The following PUM1 variants were observed in gnomAD, a reference collection of about 807,000 sequenced individuals.
PUM1 encodes the protein pumilio homolog 1.
In PUM1, 13 loss-of-function variants were observed where a neutral mutation model predicts 131.8. The ratio of observed to expected loss-of-function variants is 0.10; its 90% CI spans 0.06 to 0.16. The LOEUF is 0.16. Ranked by LOEUF, PUM1 falls within the 10% of genes least tolerant of loss-of-function variation. The pLI is 1.00. For synonymous variants in PUM1, 509 were observed against 556.5 expected (o/e 0.91, Z 1.20); for missense variants, 961 against 1,512.4 (o/e 0.64, Z 6.05).
intron 5 of PUM1, among the ~76,000 whole-genome samples, chr1:31,003,977 G>A (rs780374427): frequency 3.9e-5 from 6 of 152,100 alleles, no homozygotes; most frequent in Non-Finnish European, 8.8e-5. Flanking sequence ...TTATCTTCAT[G>A]CATACTTCAG....
At chr1:30,986,275 T>C (rs1233679936) in intron 7 of PUM1, among the ~76,000 whole-genome samples, 1 of 152,084 alleles carries the variant, frequency 6.6e-6, no homozygotes, top group African/African-American at 2.4e-5. Flanking sequence ...AAAAATAAAA[T>C]AGCTGCCCTA....
chr1:30,966,970 C>T lies in PUM1; in HGVS notation c.1789+197G>A, dbSNP rs1428918546. On this transcript the variant is annotated intron_variant, in intron 12 of 21. Coordinates refer to ENST00000426105, the MANE Select transcript of PUM1 (RefSeq NM_001020658.2). ...AACCAGCTGGCACATGCCACCCCTC[C>T]CCCAACCCACCAACCCCCCAACAAA... is the stretch of plus-strand genomic sequence containing the variant. The T allele has an allele frequency of 3.2e-5, 19 of 599,992 alleles. No homozygotes were observed. The East Asian group carries it at 6.0e-4, about 19-fold the overall frequency. The allele number at this position is 599,992 out of a possible 1,614,324, so 37.2% of individuals were successfully genotyped here.
At chr1:30,971,541 C>T (rs191412707) in intron 10 of PUM1, among the ~76,000 whole-genome samples, 1 of 152,146 alleles carries the variant, frequency 6.6e-6, no homozygotes, top group Non-Finnish European at 1.5e-5. Context: ...TAGTTAACGG[C>T]AGAAGAAACA....
chr1:30,939,849 C>G (rs1639370064), intron 20 of PUM1, among the ~76,000 whole-genome samples: 1 of 152,000 alleles, frequency 6.6e-6, no homozygotes, highest in South Asian at 2.1e-4. Flanking sequence ...CAGACTCTGT[C>G]CCTTAAAAAA....
rs1300377437 is a variant in PUM1, at chr1:30,942,133, G to C, written c.2995-10C>G. On this transcript the variant is annotated splice_polypyrimidine_tract_variant and intron_variant, in intron 18 of 21. Transcript: ENST00000426105. The stretch of plus-strand genomic sequence containing the variant: ...TGGATAAGGCAAATACCTAAGGGTA[G>C]ACAAACACAAATGAGAAGCAAAAAT... 1 of 1,494,944 alleles carries C rather than the reference G, an allele frequency of 6.7e-7. No homozygotes were observed. Among genetic ancestry groups the C allele is most frequent in the Non-Finnish European group, 9.0e-7 (1 of 1,110,116 alleles). The allele number at this position is 1,494,944 out of a possible 1,614,324, so 92.6% of individuals were successfully genotyped here. A position where few individuals can be genotyped will look rare whatever the true frequency, so the allele number is the denominator to read the frequency against.
Position 31,009,777 on chromosome 1 carries a change from A to AC in PUM1, c.433-2676_433-2675insG, listed in dbSNP as rs1214324070. The stretch of plus-strand genomic sequence containing the variant: ...AGCAAGACTCTGTCTCAAAAAAAAA[A>AC]AAAAAAAAAACAAAAACAGAAACAA... On this transcript the variant is annotated intron_variant, in intron 3 of 21. Transcript: ENST00000426105. Among the ~76,000 whole-genome samples, 318 of 134,392 alleles carry AC rather than the reference A, an allele frequency of 2.4e-3. 6 individuals are homozygous for AC. In the East Asian group the frequency reaches 0.034, roughly 14 times the overall value. 88.2% of individuals were successfully genotyped at this position (134,392 alleles called of 152,430 possible).
At chr1:30,984,457 CTG>C (rs2124474045) in intron 7 of PUM1, among the ~76,000 whole-genome samples, 1 of 152,268 alleles carries the variant, frequency 6.6e-6, no homozygotes, top group Non-Finnish European at 1.5e-5. Flanking sequence ...TATCCCATAA[CTG>C]AGAAACAAAA....
chr1:30,966,710 A>G (rs1015613393), intron 12 of PUM1, among the ~76,000 whole-genome samples: 4 of 152,234 alleles, frequency 2.6e-5, no homozygotes, highest in Admixed American at 6.5e-5. Flanking sequence ...TTAAAAAATA[A>G]ATAAATATAA....
intron 2 of PUM1, among the ~76,000 whole-genome samples, chr1:31,052,610 T>G (rs1018438062): frequency 5.3e-5 from 8 of 151,442 alleles, no homozygotes; most frequent in Admixed American, 5.3e-4. Context: ...CAAGCAACCC[T>G]CCTGACCCAG....
At chr1:31,027,817 G>A (rs1357543450) in intron 3 of PUM1, among the ~76,000 whole-genome samples, 1 of 152,110 alleles carries the variant, frequency 6.6e-6, no homozygotes, top group East Asian at 1.9e-4. Flanking sequence ...TCAAACATTT[G>A]CTGAATCAAA....
chr1:30,988,063 T>C (rs371600090), intron 7 of PUM1, among the ~76,000 whole-genome samples: 32 of 152,368 alleles, frequency 2.1e-4, no homozygotes, highest in Middle Eastern at 3.4e-3. Context: ...CTGGTTTCCT[T>C]TGTAATCCTA....
intron 20 of PUM1, among the ~76,000 whole-genome samples, chr1:30,940,625 C>CTA (rs1639407336): frequency 6.6e-6 from 1 of 152,168 alleles, no homozygotes; most frequent in African/African-American, 2.4e-5. Flanking sequence ...TCTCAGAAGA[C>CTA]TATACCACTA....
At chr1:31,046,650 G>A (rs1375674879) in intron 2 of PUM1, among the ~76,000 whole-genome samples, 3 of 151,552 alleles carry the variant, frequency 2.0e-5, no homozygotes, top group Non-Finnish European at 2.9e-5. Context: ...TGGGATTACA[G>A]GCACCTGCCA....
At position 31,005,791 on chromosome 1, in the gene PUM1, A is replaced by AAGAGAGAGAGAGAG. The variant is rs57530886; in HGVS notation, c.720+48_720+61dup. On this transcript the variant is annotated intron_variant, in intron 5 of 21. Coordinates refer to ENST00000426105, the MANE Select transcript of PUM1 (RefSeq NM_001020658.2). ...GGCATGTTTTGCTTTAGGGGAAAAA[A>AAGAGAGAGAGAGAG]AGAGAGAGAGAGAGAGAGAGAGAGA... 63 of 1,314,066 alleles carry AAGAGAGAGAGAGAG rather than the reference A, an allele frequency of 4.8e-5. No individual in the cohort carries two copies. The African/African-American group carries it at 8.7e-4, about 18-fold the overall frequency. The allele number at this position is 1,314,066 out of a possible 1,614,324, so 81.4% of individuals were successfully genotyped here.
chr1:31,038,984 A>ATATATATATATTTTTTTTTTTTTTT, intron 2 of PUM1, among the ~76,000 whole-genome samples: 2 of 49,418 alleles, frequency 4.0e-5, no homozygotes, highest in African/African-American at 4.1e-4. Context: ...ATATATATAT[A>ATATATATATATTTTTTTTTTTTTTT]TTTTTTTTTT....
In PUM1 at chr1:31,063,264, A is replaced by C. The variant is rs148311967; in HGVS notation, c.-12+2352T>G. On this transcript the variant is annotated intron_variant, in intron 1 of 21. Transcript: ENST00000426105. ...TTTCCTCATCTAGAAAATGAAAGAA[A>C]TCCTTCCTCTATGACTCTCAATGTT... Among the ~76,000 whole-genome samples the C allele has an allele frequency of 7.6e-3, 1,151 of 152,290 alleles. 20 individuals carry two copies. Among genetic ancestry groups the C allele is most frequent in the African/African-American group, 0.027 (1,107 of 41,562 alleles).
At chr1:31,027,594 A>G (rs1374938787) in intron 3 of PUM1, among the ~76,000 whole-genome samples, 3 of 152,224 alleles carry the variant, frequency 2.0e-5, no homozygotes, top group Non-Finnish European at 1.5e-5. Context: ...CATGAACTCA[A>G]GATGATAGGA....
chr1:30,997,866 G>A (rs1249998118), intron 5 of PUM1, among the ~76,000 whole-genome samples: 2 of 151,562 alleles, frequency 1.3e-5, no homozygotes, highest in Non-Finnish European at 1.5e-5. Context: ...CACCACGCCC[G>A]GCATGGCCTG....
At chr1:30,964,269 A>C (rs1640535673) in intron 14 of PUM1, among the ~76,000 whole-genome samples, 1 of 152,164 alleles carries the variant, frequency 6.6e-6, no homozygotes, top group African/African-American at 2.4e-5. Context: ...CATATAGCAG[A>C]GGGGAAATTT....
Sources: gnomAD v4.1 joint callset for allele counts (sites outside exome capture counted in the v4.1 genomes callset) on GRCh38, gnomAD v4.1.1 for gene constraint, MANE v1.5 for transcripts, NCBI Gene and HGNC (gene_info 2026-07-23, HGNC 2026-07-21) for gene names.